The following CACNA2D3 variants were observed in gnomAD, a reference collection of about 807,000 sequenced individuals.
The protein encoded by CACNA2D3 is calcium voltage-gated channel auxiliary subunit alpha2delta 3.
In CACNA2D3, 60 loss-of-function variants were observed where a neutral mutation model predicts 160.6. The observed-to-expected ratio is 0.37, with a 90% confidence interval of 0.30 to 0.46. The LOEUF (loss-of-function observed/expected upper bound fraction) is 0.46, where lower values mean the gene tolerates loss of function less well. Ranked by LOEUF, CACNA2D3 falls within the 20% of genes least tolerant of loss-of-function variation. The probability of loss-of-function intolerance (pLI) is 1.00; values close to 1 mark genes in which losing one functional copy is unlikely to be tolerated. For synonymous variants in CACNA2D3, 558 were observed against 492.9 expected (o/e 1.13, Z -1.75); for missense variants, 1,205 against 1,365.0 (o/e 0.88, Z 1.85).
chr3:54,356,812 A>G (rs1047800767), intron 3 of CACNA2D3, among the ~76,000 whole-genome samples: 1 of 152,154 alleles, frequency 6.6e-6, no homozygotes, highest in Non-Finnish European at 1.5e-5. Flanking sequence ...AGTGTTTTTT[A>G]AAAAACACTT....
Position 54,278,233 on chromosome 3 carries a change from G to T in CACNA2D3, c.205-42209G>T, listed in dbSNP as rs140197655. 9.2e-3 allele frequency among the ~76,000 whole-genome samples: 1,408 copies of T among 152,244 alleles called. 18 individuals carry two copies. The highest frequency in any genetic ancestry group is 0.032 in the African/African-American group (1,348 of 41,532). ...ACATTTATGCAGCCAACAAACATAT[G>T]AAAAAAAGCTCATCATCACTGGTCA... On this transcript the variant is annotated intron_variant, in intron 2 of 37. Coordinates refer to ENST00000474759, the MANE Select transcript of CACNA2D3 (RefSeq NM_018398.3).
chr3:54,621,795 T>C (rs116652849), intron 9 of CACNA2D3, among the ~76,000 whole-genome samples: 2,075 of 152,250 alleles, frequency 0.014, 46 homozygotes, highest in African/African-American at 0.048. Context: ...TTTTCCAAGG[T>C]CTATTAGATT....
chr3:54,706,720 C>G (rs989222568), intron 11 of CACNA2D3, among the ~76,000 whole-genome samples: 1 of 152,170 alleles, frequency 6.6e-6, no homozygotes, highest in African/African-American at 2.4e-5. Context: ...GGCCCTCACT[C>G]TCAGGGTGAG....
intron 4 of CACNA2D3, among the ~76,000 whole-genome samples, chr3:54,479,896 C>A (rs939762146): frequency 1.3e-5 from 2 of 152,168 alleles, no homozygotes; most frequent in African/African-American, 4.8e-5. Context: ...TCTTTTGAAT[C>A]TGGGAAATCC....
Position 54,973,707 on chromosome 3 carries a change from AG to A in CACNA2D3, c.2556+3868del, listed in dbSNP as rs1406368206. Among the ~76,000 whole-genome samples, 6 of 152,188 alleles carry A rather than the reference AG, an allele frequency of 3.9e-5. No individual in the cohort carries two copies. In the South Asian group the frequency reaches 1.0e-3, roughly 26 times the overall value. ...ACGATTTGAATAGCAAAGGAGGACA[AG>A]GGGGCACAGGTGACCCCTACCAAGT... On this transcript the variant is annotated intron_variant, in intron 29 of 37. Transcript: ENST00000474759.
At chr3:54,274,761 C>T (rs750503651) in intron 2 of CACNA2D3, among the ~76,000 whole-genome samples, 14 of 152,312 alleles carry the variant, frequency 9.2e-5, no homozygotes, top group South Asian at 2.1e-4. Flanking sequence ...TCCAGGCTCA[C>T]GCATGGTCTG....
chr3:54,168,169 T>C (rs1700494494), intron 2 of CACNA2D3, among the ~76,000 whole-genome samples: 1 of 152,166 alleles, frequency 6.6e-6, no homozygotes. Context: ...AAAGAAGAGA[T>C]CTTGAGAAGA....
chr3:54,981,048 A>G (rs1702495439), intron 29 of CACNA2D3, among the ~76,000 whole-genome samples: 1 of 152,238 alleles, frequency 6.6e-6, no homozygotes, highest in Non-Finnish European at 1.5e-5. Flanking sequence ...GACAGGCAGA[A>G]GATAAAAGAC....
intron 11 of CACNA2D3, among the ~76,000 whole-genome samples, chr3:54,722,870 G>A (rs1191281621): frequency 1.3e-5 from 2 of 152,310 alleles, no homozygotes; most frequent in African/African-American, 2.4e-5. Flanking sequence ...ATACATGGGG[G>A]TCAGGGACCG....
chr3:54,172,336 A>G (rs1700589466), intron 2 of CACNA2D3, among the ~76,000 whole-genome samples: 1 of 152,228 alleles, frequency 6.6e-6, no homozygotes, highest in South Asian at 2.1e-4. Context: ...GTTGCTACAC[A>G]CAGCACTGCT....
intron 2 of CACNA2D3, among the ~76,000 whole-genome samples, chr3:54,310,239 A>G (rs1338795441): frequency 6.6e-6 from 1 of 152,088 alleles, no homozygotes; most frequent in African/African-American, 2.4e-5. Context: ...TGTTTTTGTG[A>G]TGGTTAAGAA....
At chr3:54,210,045 A>G (rs1056313291) in intron 2 of CACNA2D3, among the ~76,000 whole-genome samples, 2 of 152,214 alleles carry the variant, frequency 1.3e-5, no homozygotes, top group Admixed American at 6.5e-5. Context: ...AAGAAGATCC[A>G]TACCTTGATG....
At chr3:54,450,145 T>C (rs1014893095) in intron 4 of CACNA2D3, among the ~76,000 whole-genome samples, 4 of 152,284 alleles carry the variant, frequency 2.6e-5, no homozygotes, top group African/African-American at 9.6e-5. Context: ...CTGTATTAAT[T>C]TCCTAGGACC....
chr3:54,598,157 A>G (rs1256316686), intron 9 of CACNA2D3, among the ~76,000 whole-genome samples: 2 of 151,318 alleles, frequency 1.3e-5, no homozygotes, highest in African/African-American at 4.9e-5. Context: ...ACAACAAAAA[A>G]ATTAGCCGGG....
Position 54,166,996 on chromosome 3 carries a change from C to A in CACNA2D3, c.204+43402C>A, listed in dbSNP as rs561656576. On this transcript the variant is annotated intron_variant, in intron 2 of 37. Coordinates refer to ENST00000474759, the MANE Select transcript of CACNA2D3 (RefSeq NM_018398.3). ...ACAGTTTTCTTGAATTACGTAAAAACGTCTTGTGAGATTGTTTTAGGGAAA... is the reference window on the plus strand; with the variant it reads ...ACAGTTTTCTTGAATTACGTAAAAAAGTCTTGTGAGATTGTTTTAGGGAAA... 2.6e-5 allele frequency among the ~76,000 whole-genome samples: 4 copies of A among 152,156 alleles called. No individual in the cohort carries two copies. The East Asian group carries it at 7.7e-4, about 29-fold the overall frequency.
intron 27 of CACNA2D3, among the ~76,000 whole-genome samples, chr3:54,909,643 ATTTTTTTTTTTT>A (rs759615370): frequency 8.1e-6 from 1 of 123,856 alleles, no homozygotes; most frequent in African/African-American, 3.0e-5. Flanking sequence ...TTTTTTTGTG[ATTTTTTTTTTTT>A]TTTTTTTTTA....
chr3:54,966,060 A>C (rs978301661), intron 27 of CACNA2D3, among the ~76,000 whole-genome samples: 1 of 152,106 alleles, frequency 6.6e-6, no homozygotes, highest in Non-Finnish European at 1.5e-5. Context: ...AGTATGTGAG[A>C]TGGATAAACA....
intron 13 of CACNA2D3, among the ~76,000 whole-genome samples, chr3:54,804,235 G>T (rs938231224): frequency 2.0e-5 from 3 of 151,934 alleles, no homozygotes; most frequent in East Asian, 3.9e-4. Context: ...TGGACTAAAT[G>T]CTCCAATTAA....
chr3:54,957,579 A>G (rs1370745254), intron 27 of CACNA2D3, among the ~76,000 whole-genome samples: 1 of 152,214 alleles, frequency 6.6e-6, no homozygotes, highest in African/African-American at 2.4e-5. Flanking sequence ...CTAAAATGAC[A>G]GAGCCTTGAG....
Sources: gnomAD v4.1 joint callset for allele counts (sites outside exome capture counted in the v4.1 genomes callset) on GRCh38, gnomAD v4.1.1 for gene constraint, MANE v1.5 for transcripts, NCBI Gene and HGNC (gene_info 2026-07-23, HGNC 2026-07-21) for gene names.